Variants in APEH observed in about 807,000 individuals in gnomAD.
The protein encoded by APEH is acylamino-acid-releasing enzyme.
A neutral mutation model predicts 102.7 loss-of-function variants in APEH; 75 were observed. The ratio of observed to expected loss-of-function variants is 0.73; its 90% CI spans 0.61 to 0.89. APEH has a LOEUF of 0.89. Among genes scored for constraint, APEH ranks in the 40% least tolerant of loss-of-function variants. APEH has a pLI of 0.00. For missense variants in APEH, 863 were observed against 941.2 expected, an observed-to-expected ratio of 0.92 and a Z score of 1.09; for synonymous variants, 344 against 362.7, an observed-to-expected ratio of 0.95 and a Z score of 0.59.
intron 14 of APEH, 105 bp from the exon 15 acceptor site, chr3:49,680,996 G>A (rs959393378): frequency 1.5e-5 from 21 of 1,405,930 alleles, no homozygotes; most frequent in Non-Finnish European, 2.0e-5. Context: ...CTGGAGGTGG[G>A]TAGAGGGCCC....
rs930927442 is a variant in APEH at position 49,679,551 on chromosome 3, C to T, written c.1159-42C>T. 1 of 1,608,408 alleles carries T rather than the reference C, an allele frequency of 6.2e-7. No individual in the cohort carries two copies. The highest frequency in any genetic ancestry group is 8.5e-7 in the Non-Finnish European group (1 of 1,175,184). ...GAGGGACCCATAGGTAGAGGGAGTA[C>T]TCTTGGATGTGGTCGCACCTGTGGC... On this transcript the variant is annotated intron_variant, in intron 12 of 21. Coordinates refer to ENST00000296456, the MANE Select transcript of APEH (RefSeq NM_001640.4). The surrounding 1 kb of genome is among the most constrained non-coding windows in gnomAD (Gnocchi z 4.3).
In APEH at chr3:49,676,381, G is replaced by T; in HGVS notation, c.610G>T (p.Asp204Tyr). The T allele has an allele frequency of 2.5e-6, 4 of 1,614,204 alleles. No homozygotes were observed. Among genetic ancestry groups the T allele is most frequent in the Non-Finnish European group, 3.4e-6 (4 of 1,180,044 alleles). Residue 204 changes from aspartate (D) to tyrosine (Y), a missense_variant, in exon 7 of 22, where the codon GAT becomes TAT. Asp to Tyr is a radical substitution (Grantham distance 160). Transcript: ENST00000296456. ...ATTGAGTATCTTGTGTTCTCAGGGG[G>T]ATCAGTTTGTGTTTTATGAAGACTG... ...LKKPDQAIKGDQFVFYEDWGE... is the reference protein window; with the variant it reads ...LKKPDQAIKGYQFVFYEDWGE...
chr3:49,674,302 A>AC (rs2052907468), upstream of APEH: 2 of 1,421,700 alleles, frequency 1.4e-6, no homozygotes, highest in African/African-American at 2.9e-5. Context: ...GCCGCAGGGC[A>AC]GGGGCGGAGA....
In APEH at chr3:49,675,678, T is replaced by A; in HGVS notation, c.273-16T>A. 1 of 1,607,466 alleles carries A rather than the reference T, an allele frequency of 6.2e-7. No homozygotes were observed. The highest frequency in any genetic ancestry group is 8.5e-7 in the Non-Finnish European group (1 of 1,174,272). The stretch of plus-strand genomic sequence containing the variant: ...ATTGCAAGATAATCCTGACCTGTGC[T>A]ACCCCATGTCCACAGACTGCTGAGC... On this transcript the variant is annotated splice_polypyrimidine_tract_variant and intron_variant, in intron 3 of 21. Transcript: ENST00000296456.
intron 3 of APEH, 96 bp from the exon 4 acceptor site, chr3:49,675,598 A>T: frequency 7.8e-7 from 1 of 1,279,044 alleles, no homozygotes. Flanking sequence ...GTGTGGGGCC[A>T]GAGCCTCAAG....
At chr3:49,676,334 A>G in intron 6 of APEH, 44 bp from the exon 7 acceptor site, 1 of 1,613,656 alleles carries the variant, frequency 6.2e-7, no homozygotes, top group Non-Finnish European at 8.5e-7. Flanking sequence ...GAAGCAGAGC[A>G]GGTCCTATAG....
chr3:49,675,351 T>A, intron 3 of APEH, 42 bp downstream of exon 3: 1 of 1,608,534 alleles, frequency 6.2e-7, no homozygotes, highest in Non-Finnish European at 8.5e-7. Context: ...GCCACAGCCG[T>A]CCGCAATGCA....
At chr3:49,676,728 C>T in intron 8 of APEH, 28 bp downstream of exon 8, 1 of 1,614,222 alleles carries the variant, frequency 6.2e-7, no homozygotes, top group Non-Finnish European at 8.5e-7. Context: ...GGCAAGGGGC[C>T]TTGCAGCCCA....
At chr3:49,674,857 A>G (rs1247404210) in intron 2 of APEH, among the ~76,000 whole-genome samples, 3 of 152,104 alleles carry the variant, frequency 2.0e-5, no homozygotes, top group Non-Finnish European at 4.4e-5. Flanking sequence ...TAGGGGTAGA[A>G]GTCAAACCTG....
Position 49,680,584 on chromosome 3 carries a change from C to T in APEH, c.1254C>T (p.Asp418=). The T allele has an allele frequency of 6.2e-7, 1 of 1,614,076 alleles. No individual in the cohort carries two copies. Among genetic ancestry groups the T allele is most frequent in the Non-Finnish European group, 8.5e-7 (1 of 1,180,010 alleles). The part of the protein sequence containing the change: ...GSWKLLTIDQ[D]LMVAQFSTPS... ...GGAAGTTGCTCACAATTGACCAGGA[C>T]CTCATGGTGGCACAGTTTTCCACAC... Residue 418 remains aspartate (D), a synonymous_variant, in exon 14 of 22, where the codon GAC becomes GAT. Transcript: ENST00000296456.
At chr3:49,681,378 G>A (rs1293145085) in intron 15 of APEH, 139 bp downstream of exon 15, 1 of 1,066,436 alleles carries the variant, frequency 9.4e-7, no homozygotes, top group Non-Finnish European at 1.3e-6. Context: ...TCCTCTTGTG[G>A]ATGGGCATGG....
At chr3:49,678,522 TG>T (rs545056039) in intron 11 of APEH, among the ~76,000 whole-genome samples, 34 of 152,308 alleles carry the variant, frequency 2.2e-4, no homozygotes, top group African/African-American at 7.7e-4. Flanking sequence ...GATGATATCT[TG>T]GTTAAAGCAC....
At position 49,675,415 on chromosome 3, in the gene APEH, C is replaced by A. The variant is rs1301098641; in HGVS notation, c.272+106C>A. ...TAGAAGGGAGGCCAGCAGCCAGGTT[C>A]TTGCCCCCTTGGGAGCTCATTCAGT... On this transcript the variant is annotated intron_variant, in intron 3 of 21. Coordinates refer to ENST00000296456, the MANE Select transcript of APEH (RefSeq NM_001640.4). The A allele has an allele frequency of 6.1e-6, 9 of 1,484,874 alleles. No homozygotes were observed. In the Admixed American group the frequency reaches 8.2e-5, roughly 14 times the overall value. 92.0% of individuals were successfully genotyped at this position (1,484,874 alleles called of 1,614,324 possible).
chr3:49,680,695 G>A lies in APEH; in HGVS notation c.1299+66G>A, dbSNP rs2053279187. 2.8e-6 allele frequency: 4 copies of A among 1,432,138 alleles called. No individual in the cohort carries two copies. The South Asian group carries it at 3.5e-5, about 13-fold the overall frequency. 88.7% of individuals were successfully genotyped at this position (1,432,138 alleles called of 1,614,324 possible). A position where few individuals can be genotyped will look rare whatever the true frequency, so the allele number is the denominator to read the frequency against. ...TGGGCAGGCAGAGCTCACCAGGTCA[G>A]GGAATTGGCCCCAGAGTCTGACCTG... is the stretch of plus-strand genomic sequence containing the variant. On this transcript the variant is annotated intron_variant, in intron 14 of 21. Coordinates refer to ENST00000296456, the MANE Select transcript of APEH (RefSeq NM_001640.4).
chr3:49,673,409 C>T, upstream of APEH, among the ~76,000 whole-genome samples: 1 of 152,108 alleles, frequency 6.6e-6, no homozygotes. Context: ...CTGAGCCCAC[C>T]AGGCCTTTCA....
At position 49,679,684 on chromosome 3, in the gene APEH, G is replaced by A. The variant is rs763155531; in HGVS notation, c.1210+40G>A. On this transcript the variant is annotated intron_variant, in intron 13 of 21. Transcript: ENST00000296456. This position sits in a 1 kb window ranked among gnomAD's most constrained non-coding sequence, Gnocchi z 4.3. ...GGGGATGGGGGTAAGGGCAGGGCTG[G>A]TGAGCAAGCCAACCAGGCAGCGGGG... 2 of 1,598,640 alleles carry A rather than the reference G, an allele frequency of 1.3e-6. No individual in the cohort carries two copies. Among genetic ancestry groups the A allele is most frequent in the Non-Finnish European group, 1.7e-6 (2 of 1,166,642 alleles).
At position 49,681,116 on chromosome 3, in the gene APEH, C is replaced by T; in HGVS notation, c.1315C>T (p.Pro439Ser). The T allele has an allele frequency of 1.3e-6, 2 of 1,588,646 alleles. No homozygotes were observed. The highest frequency in any genetic ancestry group is 1.7e-6 in the Non-Finnish European group (2 of 1,167,160). ...CCCTTGGCAGAAAGTTGGGTTCCTGCCTTCTGCAGGGAAGGAGCAGTCAGT... is the reference window on the plus strand; with the variant it reads ...CCCTTGGCAGAAAGTTGGGTTCCTGTCTTCTGCAGGGAAGGAGCAGTCAGT... ...LPPTLKVGFL[P>S]SAGKEQSVLW... Residue 439 changes from proline (P) to serine (S), a missense_variant, in exon 15 of 22, where the codon CCT becomes TCT. By Grantham distance (74) the Pro-to-Ser change is moderately conservative. Transcript: ENST00000296456.
upstream of APEH, chr3:49,674,002 CT>C (rs1226224147): frequency 3.3e-6 from 1 of 301,636 alleles, no homozygotes; most frequent in African/African-American, 2.2e-5. Context: ...GCAGCACCCC[CT>C]CAACCCCTTC....
chr3:49,679,633 C>T lies in APEH; in HGVS notation c.1199C>T (p.Ser400Phe), dbSNP rs1357557771. The T allele has an allele frequency of 6.2e-7, 1 of 1,613,744 alleles. No homozygotes were observed. Among genetic ancestry groups the T allele is most frequent in the Non-Finnish European group, 8.5e-7 (1 of 1,179,816 alleles). The part of the protein sequence containing the change: ...AVDTQVGTVT[S>F]LTAGGSGGSW... ...GACACCCAAGTGGGCACTGTGACCT[C>T]CCTCACAGCTGGTGAGCAAGGCTTT... Residue 400 changes from serine to phenylalanine, a missense_variant, in exon 13 of 22, where the codon TCC (serine) becomes TTC (phenylalanine). Ser to Phe is a radical substitution (Grantham distance 155). Coordinates refer to ENST00000296456, the MANE Select transcript of APEH (RefSeq NM_001640.4). This position sits in a 1 kb window ranked among gnomAD's most constrained non-coding sequence, Gnocchi z 4.3.
Sources: allele counts gnomAD v4.1 joint callset (sites outside exome capture counted in the v4.1 genomes callset), GRCh38; gene constraint gnomAD v4.1.1; non-coding constraint Gnocchi (gnomAD v3.1); transcripts MANE v1.5; gene names NCBI Gene and HGNC (gene_info 2026-07-23, HGNC 2026-07-21).